The following RPS6KC1 variants were observed in gnomAD, a reference collection of about 807,000 sequenced individuals.
RPS6KC1 encodes inactive ribosomal protein S6 kinase delta-1.
A neutral mutation model predicts 103.8 loss-of-function variants in RPS6KC1; 54 were observed. The observed-to-expected ratio is 0.52, with a 90% CI of 0.42 to 0.65. The LOEUF is 0.65. Ranked by LOEUF, RPS6KC1 falls within the 30% of genes least tolerant of loss-of-function variation. The pLI is 0.00. For missense variants in RPS6KC1, 1,151 were observed against 1,253.8 expected (o/e 0.92, Z 1.24); for synonymous variants, 439 against 438.7 (o/e 1.00, Z -0.01).
At chr1:213,407,605 T>G in the RPS6KC1 span, among the ~76,000 whole-genome samples, 24 of 152,342 alleles carry the variant, frequency 1.6e-4, no homozygotes, top group Admixed American at 5.9e-4. Flanking sequence ...CACCCTTTGA[T>G]TATTTGACTA....
chr1:213,771,718 G>T, the RPS6KC1 span, among the ~76,000 whole-genome samples: 1 of 152,148 alleles, frequency 6.6e-6, no homozygotes, highest in South Asian at 2.1e-4. Flanking sequence ...AATGTTCTAG[G>T]TAGAACGTCA....
At chr1:213,261,135 A>G (rs1002605328) in intron 12 of RPS6KC1, among the ~76,000 whole-genome samples, 3 of 112,268 alleles carry the variant, frequency 2.7e-5, no homozygotes, top group Non-Finnish European at 4.8e-5. Flanking sequence ...TGCAAGTAAA[A>G]GGATGATTAA....
At position 213,238,595 on chromosome 1, in the gene RPS6KC1, T is replaced by C. The variant is rs535108420; in HGVS notation, c.1226-2107T>C. ...TAAAGTAAGGATCTAGTCGTAGTTATAGCATTATCCCCAAAAATGAAGACT... is the reference window on the plus strand; with the variant it reads ...TAAAGTAAGGATCTAGTCGTAGTTACAGCATTATCCCCAAAAATGAAGACT... On this transcript the variant is annotated intron_variant, in intron 10 of 14. Coordinates refer to ENST00000366960, the MANE Select transcript of RPS6KC1 (RefSeq NM_012424.6). 2.6e-5 allele frequency among the ~76,000 whole-genome samples: 4 copies of C among 152,322 alleles called. No individual in the cohort carries two copies. In the South Asian group the frequency reaches 6.2e-4, roughly 24 times the overall value.
the RPS6KC1 span, among the ~76,000 whole-genome samples, chr1:213,770,281 A>C: frequency 6.6e-6 from 1 of 152,202 alleles, no homozygotes; most frequent in African/African-American, 2.4e-5. Flanking sequence ...TCCAGTGAGC[A>C]TCTGGACCCC....
chr1:213,650,533 C>T, the RPS6KC1 span, among the ~76,000 whole-genome samples: 2 of 152,330 alleles, frequency 1.3e-5, no homozygotes, highest in South Asian at 4.1e-4. Flanking sequence ...GCTAGCCTCT[C>T]ACCTTTCAGC....
At chr1:213,809,701 A>G in the RPS6KC1 span, among the ~76,000 whole-genome samples, 1 of 152,176 alleles carries the variant, frequency 6.6e-6, no homozygotes, top group Non-Finnish European at 1.5e-5. Context: ...ATTTGTTTGC[A>G]TTATGATGAT....
At chr1:213,083,505 A>G (rs1185719555) in intron 3 of RPS6KC1, among the ~76,000 whole-genome samples, 1 of 152,208 alleles carries the variant, frequency 6.6e-6, no homozygotes, top group Non-Finnish European at 1.5e-5. Flanking sequence ...TAACTTGTCT[A>G]TAGTTTCACA....
intron 3 of RPS6KC1, among the ~76,000 whole-genome samples, chr1:213,080,562 A>G (rs2079777447): frequency 6.6e-6 from 1 of 152,178 alleles, no homozygotes; most frequent in African/African-American, 2.4e-5. Context: ...AGAATGTAAT[A>G]AACATCATTT....
the RPS6KC1 span, among the ~76,000 whole-genome samples, chr1:213,450,148 G>T: frequency 6.6e-6 from 1 of 152,098 alleles, no homozygotes. Flanking sequence ...CTTGAAGAAG[G>T]TTAGGTACAT....
At chr1:213,343,454 T>C in the RPS6KC1 span, among the ~76,000 whole-genome samples, 1 of 109,448 alleles carries the variant, frequency 9.1e-6, no homozygotes, top group Non-Finnish European at 1.9e-5. Context: ...TACCATGGAA[T>C]ACTACTCAAC....
the RPS6KC1 span, among the ~76,000 whole-genome samples, chr1:213,816,638 C>G: frequency 6.6e-6 from 1 of 152,040 alleles, no homozygotes; most frequent in African/African-American, 2.4e-5. Flanking sequence ...GGTGTTATTC[C>G]CCCCTCTGCT....
chr1:213,649,729 A>G, the RPS6KC1 span, among the ~76,000 whole-genome samples: 2 of 152,122 alleles, frequency 1.3e-5, no homozygotes, highest in East Asian at 3.9e-4. Flanking sequence ...CTCGAGAGCT[A>G]GGACTGTGTC....
At chr1:213,262,045 G>C (rs2094808889) in intron 13 of RPS6KC1, among the ~76,000 whole-genome samples, 1 of 152,144 alleles carries the variant, frequency 6.6e-6, no homozygotes, top group Non-Finnish European at 1.5e-5. Context: ...AGATATTAAA[G>C]TTAACATTAT....
chr1:213,063,083 G>A (rs1441415010), intron 1 of RPS6KC1, among the ~76,000 whole-genome samples: 1 of 152,294 alleles, frequency 6.6e-6, no homozygotes, highest in Non-Finnish European at 1.5e-5. Flanking sequence ...TTAGTACTGA[G>A]CTGGCAGAAA....
chr1:213,617,787 A>G, the RPS6KC1 span, among the ~76,000 whole-genome samples: 1 of 152,160 alleles, frequency 6.6e-6, no homozygotes, highest in Non-Finnish European at 1.5e-5. Context: ...GAACAAAGAC[A>G]TTTCACTATC....
the RPS6KC1 span, among the ~76,000 whole-genome samples, chr1:213,579,322 ACT>A: frequency 1.3e-5 from 2 of 152,026 alleles, no homozygotes; most frequent in Non-Finnish European, 2.9e-5. Context: ...TACAGCCATA[ACT>A]CTCTTCAATT....
the RPS6KC1 span, among the ~76,000 whole-genome samples, chr1:213,282,619 G>A: frequency 6.6e-6 from 1 of 152,204 alleles, no homozygotes; most frequent in Non-Finnish European, 1.5e-5. Flanking sequence ...CTATGCGAAG[G>A]GTCTTTCCGA....
At chr1:213,690,546 C>T in the RPS6KC1 span, among the ~76,000 whole-genome samples, 4 of 152,162 alleles carry the variant, frequency 2.6e-5, no homozygotes, top group Non-Finnish European at 5.9e-5. Flanking sequence ...GCCTTACTTT[C>T]CTAGAGGGAG....
At chr1:213,409,369 G>A in the RPS6KC1 span, among the ~76,000 whole-genome samples, 2 of 152,090 alleles carry the variant, frequency 1.3e-5, no homozygotes, top group African/African-American at 4.8e-5. Context: ...TCTGACTGAG[G>A]AAGGCCAGGT....
Sources: allele counts gnomAD v4.1 joint callset (sites outside exome capture counted in the v4.1 genomes callset), GRCh38; gene constraint gnomAD v4.1.1; transcripts MANE v1.5; gene names NCBI Gene and HGNC (gene_info 2026-07-23, HGNC 2026-07-21).